Variants in TUBGCP3 observed in about 807,000 individuals in gnomAD.
TUBGCP3 encodes the protein gamma-tubulin complex component 3.
TUBGCP3 carries 50 observed loss-of-function variants against 123.1 expected under a neutral mutation model. The ratio of observed to expected loss-of-function variants is 0.41; its 90% CI spans 0.32 to 0.51. TUBGCP3 has a LOEUF of 0.51. Among genes scored for constraint, TUBGCP3 ranks in the 20% least tolerant of loss-of-function variants. TUBGCP3 has a pLI of 0.36. For synonymous variants in TUBGCP3, 405 were observed against 413.9 expected (o/e 0.98, Z 0.26); for missense variants, 882 against 1,127.0 (o/e 0.78, Z 3.11).
intron 1 of TUBGCP3, among the ~76,000 whole-genome samples, chr13:112,579,876 C>T (rs557456759): frequency 6.6e-6 from 1 of 152,342 alleles, no homozygotes; most frequent in African/African-American, 2.4e-5. Flanking sequence ...ACATAAAAAA[C>T]CTGTCCATGA....
chr13:112,541,466 C>T (rs888975149), intron 11 of TUBGCP3, among the ~76,000 whole-genome samples: 1 of 150,400 alleles, frequency 6.6e-6, no homozygotes, highest in Non-Finnish European at 1.5e-5. Flanking sequence ...TGCTTGAACC[C>T]AGGAGGCAGA....
At chr13:112,552,976 C>T (rs1879713041) in intron 8 of TUBGCP3, among the ~76,000 whole-genome samples, 1 of 151,816 alleles carries the variant, frequency 6.6e-6, no homozygotes, top group African/African-American at 2.4e-5. Context: ...TGCCACACTA[C>T]TCGCCTACTC....
chr13:112,547,511 G>A (rs1594178071), intron 10 of TUBGCP3, 109 bp downstream of exon 10: 1 of 1,338,300 alleles, frequency 7.5e-7, no homozygotes, highest in Non-Finnish European at 9.7e-7. Context: ...GACGCGCGTG[G>A]GAAAGACGCG....
At chr13:112,498,884 A>C in intron 20 of TUBGCP3, 161 bp downstream of exon 20, 1 of 1,612,824 alleles carries the variant, frequency 6.2e-7, no homozygotes, top group Non-Finnish European at 8.5e-7. Context: ...CTCCCTCTTT[A>C]CAACTGTCAG....
chr13:112,498,323 T>C (rs1789543853), intron 20 of TUBGCP3, among the ~76,000 whole-genome samples: 1 of 152,204 alleles, frequency 6.6e-6, no homozygotes, highest in Admixed American at 6.5e-5. Flanking sequence ...CATAACGAGG[T>C]ATCTCGGAGA....
Position 112,485,982 on chromosome 13 carries a change from G to C in TUBGCP3, c.*11C>G. ...AACATCACCCGCAGCTCCCTGGGAG[G>C]ACCGCGAGCTTCACGTGTGGGAGCT... On this transcript the variant is annotated 3_prime_UTR_variant, in exon 22 of 22. Transcript: ENST00000261965. 1 of 1,567,102 alleles carries C rather than the reference G, an allele frequency of 6.4e-7. No homozygotes were observed. The highest frequency in any genetic ancestry group is 8.7e-7 in the Non-Finnish European group (1 of 1,149,682).
In TUBGCP3 at chr13:112,555,731, C is replaced by T. The variant is rs35580810; in HGVS notation, c.721+321G>A. ...GGCCTAACCCAGCCTTAAAGACTTTCCCAGGGAAACGGCAGGATGAAAACA... is the reference window on the plus strand; with the variant it reads ...GGCCTAACCCAGCCTTAAAGACTTTTCCAGGGAAACGGCAGGATGAAAACA... On this transcript the variant is annotated intron_variant, in intron 6 of 21. Coordinates refer to ENST00000261965, the MANE Select transcript of TUBGCP3 (RefSeq NM_006322.6). Among the ~76,000 whole-genome samples, 703 of 152,198 alleles carry T rather than the reference C, an allele frequency of 4.6e-3. 3 individuals carry two copies. The highest frequency in any genetic ancestry group is 7.1e-3 in the Non-Finnish European group (483 of 68,010).
chr13:112,498,069 T>A (rs534072727), intron 20 of TUBGCP3, among the ~76,000 whole-genome samples: 1 of 152,186 alleles, frequency 6.6e-6, no homozygotes, highest in South Asian at 2.1e-4. Context: ...TAAACACACA[T>A]ATATGCAAAG....
chr13:112,527,968 C>T (rs1432226451), intron 11 of TUBGCP3, among the ~76,000 whole-genome samples: 2 of 152,232 alleles, frequency 1.3e-5, no homozygotes, highest in Non-Finnish European at 2.9e-5. Flanking sequence ...ATGGGCAGAC[C>T]TTGCTGTACA....
intron 1 of TUBGCP3, among the ~76,000 whole-genome samples, chr13:112,585,256 T>G (rs1243303999): frequency 6.6e-6 from 1 of 152,206 alleles, no homozygotes; most frequent in African/African-American, 2.4e-5. Flanking sequence ...ACTAATCAAA[T>G]TTTTAACACC....
intron 8 of TUBGCP3, among the ~76,000 whole-genome samples, chr13:112,550,837 G>A (rs1032010362): frequency 9.2e-5 from 14 of 152,202 alleles, no homozygotes; most frequent in African/African-American, 2.4e-4. Context: ...GGTGGCTCAC[G>A]CCTGTAATCT....
chr13:112,559,265 T>C (rs1435108350), intron 4 of TUBGCP3, 57 bp downstream of exon 4: 35 of 1,471,676 alleles, frequency 2.4e-5, no homozygotes, highest in Non-Finnish European at 3.2e-5. Flanking sequence ...CCGTTTCCTA[T>C]CAAAGTCAGC....
At position 112,547,726 on chromosome 13, in the gene TUBGCP3, C is replaced by A; in HGVS notation, c.1062G>T (p.Val354=). ...SQLQLEDDQG[V]NLGLESSLTL... is the part of the protein sequence containing the mutation. ...TTAAACTACTCTCAAGTCCCAAATTCACACCCTGGTCATCCTCTAGTTGTA... is the reference window on the plus strand; with the variant it reads ...TTAAACTACTCTCAAGTCCCAAATTAACACCCTGGTCATCCTCTAGTTGTA... The change falls in exon 10 of 22, where the codon GTG becomes GTT. Residue 354 remains valine (V), a synonymous_variant. Coordinates refer to ENST00000261965, the MANE Select transcript of TUBGCP3 (RefSeq NM_006322.6). 6.6e-7 allele frequency: 1 copy of A among 1,526,558 alleles called. No homozygotes were observed. Among genetic ancestry groups the A allele is most frequent in the Non-Finnish European group, 8.8e-7 (1 of 1,134,972 alleles). The allele number at this position is 1,526,558 out of a possible 1,614,324, so 94.6% of individuals were successfully genotyped here. A position where few individuals can be genotyped will look rare whatever the true frequency, so the allele number is the denominator to read the frequency against.
intron 20 of TUBGCP3, 115 bp from the exon 21 acceptor site, chr13:112,489,812 G>A (rs1297041926): frequency 1.3e-6 from 1 of 769,736 alleles, no homozygotes; most frequent in Non-Finnish European, 2.2e-6. Context: ...ATGCCTCTCT[G>A]TACTGTTCAA....
chr13:112,604,148 C>T, the TUBGCP3 span: 3 of 152,158 alleles, frequency 2.0e-5, no homozygotes, highest in East Asian at 3.8e-4. Context: ...CTCATTTGAC[C>T]TACCAGTCTC....
At chr13:112,592,390 C>A (rs1265570097), upstream of TUBGCP3, among the ~76,000 whole-genome samples, 2 of 152,136 alleles carry the variant, frequency 1.3e-5, no homozygotes, top group Admixed American at 1.3e-4. This position sits in a 1 kb window ranked among gnomAD's most constrained non-coding sequence, Gnocchi z 4.1. Context: ...TTCCACCAGG[C>A]AGGTGTCACT....
chr13:112,572,955 T>C (rs758430295), intron 1 of TUBGCP3, among the ~76,000 whole-genome samples: 1 of 152,088 alleles, frequency 6.6e-6, no homozygotes, highest in Non-Finnish European at 1.5e-5. Context: ...GACGTGTGCC[T>C]GTCCTCCACA....
chr13:112,562,682 G>T (rs958827490), intron 3 of TUBGCP3, among the ~76,000 whole-genome samples: 6 of 152,168 alleles, frequency 3.9e-5, no homozygotes, highest in Non-Finnish European at 7.3e-5. Context: ...CACCACTCTG[G>T]CAGTACAGAT....
In TUBGCP3 at chr13:112,516,492, A is replaced by G; in HGVS notation, c.2034T>C (p.Thr678=). The G allele has an allele frequency of 1.2e-6, 2 of 1,613,756 alleles. No homozygotes were observed. The highest frequency in any genetic ancestry group is 1.7e-6 in the Non-Finnish European group (2 of 1,179,912). The change falls in exon 17 of 22, where the codon ACT becomes ACC. Residue 678 remains threonine, a synonymous_variant. Coordinates refer to ENST00000261965, the MANE Select transcript of TUBGCP3 (RefSeq NM_006322.6). ...WRAKRMEYIL[T]DIRKGHMCNA... ...TGCACATGTGTCCCTTCCGTATGTC[A>G]GTGAGGATGTATTCCATCCGCTTCG...
Sources: allele counts gnomAD v4.1 joint callset (sites outside exome capture counted in the v4.1 genomes callset), GRCh38; gene constraint gnomAD v4.1.1; non-coding constraint Gnocchi (gnomAD v3.1); transcripts MANE v1.5; gene names NCBI Gene and HGNC (gene_info 2026-07-23, HGNC 2026-07-21).